CDH13: variants seen among roughly 807,000 people sequenced by gnomAD.
CDH13 encodes cadherin-13.
CDH13 carries 24 observed loss-of-function variants against 63.8 expected under a neutral mutation model. That is an observed-to-expected ratio of 0.38 (90% CI 0.27 to 0.53). The LOEUF (loss-of-function observed/expected upper bound fraction) is 0.53, where lower values mean the gene tolerates loss of function less well. CDH13 is among the 20% of genes least tolerant of loss of function. The pLI, the probability that CDH13 is intolerant of heterozygous loss-of-function variation, is 0.85. For missense variants in CDH13, 1,049 were observed against 903.1 expected (o/e 1.16, Z -2.07); for synonymous variants, 503 against 355.3 (o/e 1.42, Z -4.67).
At chr16:83,109,485 A>G (rs2034956453) in intron 3 of CDH13, among the ~76,000 whole-genome samples, 1 of 152,198 alleles carries the variant, frequency 6.6e-6, no homozygotes, top group African/African-American at 2.4e-5. Context: ...TGACAGTGCC[A>G]CAGGGAAGGT....
intron 2 of CDH13, among the ~76,000 whole-genome samples, chr16:82,986,639 G>C (rs1341734616): frequency 1.3e-5 from 2 of 152,102 alleles, no homozygotes; most frequent in Non-Finnish European, 2.9e-5. Flanking sequence ...TATTTTTCTA[G>C]GGATAGCAGA....
chr16:83,694,555 C>T (rs777597378), intron 10 of CDH13, among the ~76,000 whole-genome samples: 1 of 152,246 alleles, frequency 6.6e-6, no homozygotes, highest in African/African-American at 2.4e-5. Context: ...CAGCTGCCCT[C>T]TGTGAGGATG....
At chr16:82,697,973 C>G (rs1233363726) in intron 1 of CDH13, among the ~76,000 whole-genome samples, 1 of 151,984 alleles carries the variant, frequency 6.6e-6, no homozygotes, top group East Asian at 1.9e-4. Flanking sequence ...AGATGAGCTC[C>G]TTGAGGATAT....
chr16:83,028,200 A>T (rs1294208068), intron 2 of CDH13, among the ~76,000 whole-genome samples: 3 of 152,226 alleles, frequency 2.0e-5, no homozygotes, highest in South Asian at 4.1e-4. Context: ...ATTTGCCTCC[A>T]GTGGATGAAT....
intron 6 of CDH13, among the ~76,000 whole-genome samples, chr16:83,376,511 T>G (rs940777663): frequency 1.3e-5 from 2 of 151,902 alleles, no homozygotes; most frequent in African/African-American, 4.8e-5. Context: ...TCTTGATGAG[T>G]TTTGAGTAAA....
At chr16:83,285,162 T>C (rs2089278208) in intron 5 of CDH13, among the ~76,000 whole-genome samples, 1 of 152,162 alleles carries the variant, frequency 6.6e-6, no homozygotes, top group Admixed American at 6.5e-5. Flanking sequence ...CTGTAGATTC[T>C]TGGCAAGAGA....
intron 4 of CDH13, among the ~76,000 whole-genome samples, chr16:83,132,717 T>C (rs2036113734): frequency 6.6e-6 from 1 of 152,130 alleles, no homozygotes. Flanking sequence ...CATGAGCACC[T>C]GGCCTTAATT....
At chr16:83,630,449 T>C (rs1910675637) in intron 8 of CDH13, among the ~76,000 whole-genome samples, 1 of 152,164 alleles carries the variant, frequency 6.6e-6, no homozygotes, top group African/African-American at 2.4e-5. Flanking sequence ...TCAATGTGTG[T>C]AAGATGTATA....
At chr16:82,935,985 C>A (rs2042654224) in intron 2 of CDH13, among the ~76,000 whole-genome samples, 1 of 152,156 alleles carries the variant, frequency 6.6e-6, no homozygotes, top group Admixed American at 6.5e-5. Context: ...ATAGTGCTCA[C>A]CCATTGGTTC....
chr16:83,281,244 C>T (rs186284123), intron 5 of CDH13, among the ~76,000 whole-genome samples: 7 of 152,354 alleles, frequency 4.6e-5, no homozygotes, highest in Admixed American at 3.3e-4. Flanking sequence ...CTCGCTGCTT[C>T]GCCTAGCACT....
chr16:82,963,448 A>G (rs573720769), intron 2 of CDH13, among the ~76,000 whole-genome samples: 15 of 152,104 alleles, frequency 9.9e-5, no homozygotes, highest in Non-Finnish European at 1.6e-4. Flanking sequence ...TACCTCTTAC[A>G]TGATCCCTGT....
At chr16:83,650,703 C>G (rs1393713380) in intron 8 of CDH13, among the ~76,000 whole-genome samples, 4 of 152,154 alleles carry the variant, frequency 2.6e-5, no homozygotes, top group Admixed American at 2.6e-4. Context: ...GAACAATTAT[C>G]CATCCCAGAA....
intron 4 of CDH13, among the ~76,000 whole-genome samples, chr16:83,142,164 T>G (rs577385155): frequency 5.7e-5 from 6 of 105,448 alleles, no homozygotes; most frequent in South Asian, 3.7e-4. Flanking sequence ...GTTTTTGTTT[T>G]TTTTTTTTTT....
At position 83,796,312 on chromosome 16, in the gene CDH13, G is replaced by T. The variant is rs1000271273; in HGVS notation, c.*1282G>T. ...GTGGCTTTTTATTAGAGCTCGCCAC[G>T]AACTAGGGTAAGGTGAGTGTCTTAG... On this transcript the variant is annotated 3_prime_UTR_variant, in exon 14 of 14. Transcript: ENST00000567109. 6.6e-6 allele frequency: 1 copy of T among 152,190 alleles called. No individual in the cohort carries two copies. The highest frequency in any genetic ancestry group is 1.5e-5 in the Non-Finnish European group (1 of 68,032). 9.4% of individuals were successfully genotyped at this position (152,190 alleles called of 1,614,324 possible). A position where few individuals can be genotyped will look rare whatever the true frequency, so the allele number is the denominator to read the frequency against.
At chr16:83,115,524 C>G (rs574288356) in intron 3 of CDH13, among the ~76,000 whole-genome samples, 11 of 152,192 alleles carry the variant, frequency 7.2e-5, no homozygotes, top group Admixed American at 6.5e-4. Flanking sequence ...AACTCAAACC[C>G]GAAGCATCAC....
At chr16:82,708,027 C>T (rs2031629288) in intron 1 of CDH13, among the ~76,000 whole-genome samples, 1 of 152,120 alleles carries the variant, frequency 6.6e-6, no homozygotes, top group African/African-American at 2.4e-5. Flanking sequence ...CATCTTTTTC[C>T]TTCCAGCTGT....
At chr16:83,331,845 A>C (rs2090486536) in intron 5 of CDH13, among the ~76,000 whole-genome samples, 1 of 152,094 alleles carries the variant, frequency 6.6e-6, no homozygotes, top group South Asian at 2.1e-4. Flanking sequence ...AGTTTCTTTC[A>C]TCAATCTTTT....
At chr16:83,495,846 G>A (rs1193900826) in intron 7 of CDH13, among the ~76,000 whole-genome samples, 1 of 152,046 alleles carries the variant, frequency 6.6e-6, no homozygotes, top group African/African-American at 2.4e-5. Flanking sequence ...TCATTATGCA[G>A]GTACTTATAT....
chr16:82,802,165 C>T (rs1177656286), intron 1 of CDH13, among the ~76,000 whole-genome samples: 3 of 152,274 alleles, frequency 2.0e-5, no homozygotes, highest in East Asian at 1.9e-4. Context: ...AGGTGCTTTC[C>T]ACCTGCCAAG....
Sources: gnomAD v4.1 joint callset for allele counts (sites outside exome capture counted in the v4.1 genomes callset) on GRCh38, gnomAD v4.1.1 for gene constraint, MANE v1.5 for transcripts, NCBI Gene and HGNC (gene_info 2026-07-23, HGNC 2026-07-21) for gene names.